The following ARGLU1 variants were observed in gnomAD, a reference collection of about 807,000 sequenced individuals.
ARGLU1 encodes arginine and glutamate rich 1.
ARGLU1 carries 9 observed loss-of-function variants against 37.6 expected under a neutral mutation model. The observed-to-expected ratio is 0.24, with a 90% CI of 0.14 to 0.42. The LOEUF is 0.42. Ranked by LOEUF, ARGLU1 falls within the 10% of genes least tolerant of loss-of-function variation. The pLI is 1.00. For missense variants in ARGLU1, 211 were observed against 359.2 expected, an observed-to-expected ratio of 0.59 and a Z score of 3.34; for synonymous variants, 166 against 138.5, an observed-to-expected ratio of 1.20 and a Z score of -1.39.
At chr13:106,563,745 A>C (rs1880881268) in intron 1 of ARGLU1, among the ~76,000 whole-genome samples, 1 of 152,236 alleles carries the variant, frequency 6.6e-6, no homozygotes, top group African/African-American at 2.4e-5. Context: ...GTTCCATATA[A>C]TCAATTTTCT....
intron 1 of ARGLU1, among the ~76,000 whole-genome samples, chr13:106,561,545 C>T (rs1425503685): frequency 6.6e-6 from 1 of 151,512 alleles, no homozygotes; most frequent in African/African-American, 2.4e-5. Flanking sequence ...AAAACCGGTA[C>T]AATGTGACTT....
At chr13:106,552,082 A>C (rs993898492) in intron 3 of ARGLU1, among the ~76,000 whole-genome samples, 2 of 152,202 alleles carry the variant, frequency 1.3e-5, no homozygotes, top group Non-Finnish European at 2.9e-5. Flanking sequence ...AACTCATTTA[A>C]AAGAAAGCCA....
chr13:106,552,332 C>A (rs1184685798), intron 3 of ARGLU1, among the ~76,000 whole-genome samples: 1 of 152,168 alleles, frequency 6.6e-6, no homozygotes, highest in Non-Finnish European at 1.5e-5. Flanking sequence ...AAACCCCAAA[C>A]ACCCCCATCT....
At chr13:106,555,735 G>T (rs1443863228) in intron 3 of ARGLU1, among the ~76,000 whole-genome samples, 2 of 152,126 alleles carry the variant, frequency 1.3e-5, no homozygotes, top group Admixed American at 6.5e-5. Flanking sequence ...AGGACTGTAA[G>T]AATGCAAGGA....
intron 3 of ARGLU1, among the ~76,000 whole-genome samples, chr13:106,546,629 C>G (rs141152048): frequency 6.6e-6 from 1 of 152,270 alleles, no homozygotes; most frequent in African/African-American, 2.4e-5. Context: ...GTGTGTGCAA[C>G]TGAATCAAGA....
chr13:106,541,788 T>A lies in ARGLU1; in HGVS notation c.*2208A>T. The A allele has an allele frequency of 6.6e-6, 1 of 152,126 alleles. No homozygotes were observed. The highest frequency in any genetic ancestry group is 1.9e-4 in the East Asian group (1 of 5,200). The allele number at this position is 152,126 out of a possible 1,614,324, so 9.4% of individuals were successfully genotyped here. Reference sequence around the variant, plus strand: ...ACTTAATTCTATAATGCATTAAGAATAACCTAAAAAAACAAATTGTGAATA... The same window carrying A: ...ACTTAATTCTATAATGCATTAAGAAAAACCTAAAAAAACAAATTGTGAATA... On this transcript the variant is annotated 3_prime_UTR_variant, in exon 4 of 4. Coordinates refer to ENST00000400198, the MANE Select transcript of ARGLU1 (RefSeq NM_018011.4).
At chr13:106,553,467 G>A (rs529706395) in intron 3 of ARGLU1, among the ~76,000 whole-genome samples, 1 of 152,074 alleles carries the variant, frequency 6.6e-6, no homozygotes, top group Non-Finnish European at 1.5e-5. Flanking sequence ...TAAATTCTTA[G>A]ACACAGAATT....
chr13:106,559,756 AT>A, intron 1 of ARGLU1, 99 bp from the exon 2 acceptor site: 1 of 1,282,496 alleles, frequency 7.8e-7, no homozygotes, highest in East Asian at 2.4e-5. Flanking sequence ...TGAGCCTGAT[AT>A]TATTCAGTGA....
At chr13:106,558,286 G>A in intron 2 of ARGLU1, 1 of 984,268 alleles carries the variant, frequency 1.0e-6, no homozygotes, top group Non-Finnish European at 1.2e-6. Flanking sequence ...TATAGTCTGT[G>A]AAACCCACTA....
rs926854014 is a variant in ARGLU1, at chr13:106,558,335, G to A, written c.573+1097C>T. Reference sequence around the variant, plus strand: ...GTATATCTAGTTAAAGACAGGACAAGGGAAAATGCATTTTAAAAGCTAAGC... The same window carrying A: ...GTATATCTAGTTAAAGACAGGACAAAGGAAAATGCATTTTAAAAGCTAAGC... On this transcript the variant is annotated intron_variant, in intron 2 of 3. Transcript: ENST00000400198. 3 of 985,098 alleles carry A rather than the reference G, an allele frequency of 3.0e-6. No individual in the cohort carries two copies. In the Admixed American group the frequency reaches 1.8e-4, roughly 61 times the overall value. 61.0% of individuals were successfully genotyped at this position (985,098 alleles called of 1,614,324 possible).
chr13:106,567,993 C>G lies in ARGLU1; in HGVS notation c.-74G>C. ...AGTTCCCCTCGCCTCCGCCTTCGGA[C>G]GCGGGCTGGCGGTTCTACCGAGGCC... is the stretch of plus-strand genomic sequence containing the variant. On this transcript the variant is annotated 5_prime_UTR_variant, in exon 1 of 4. Coordinates refer to ENST00000400198, the MANE Select transcript of ARGLU1 (RefSeq NM_018011.4). The surrounding 1 kb of genome is among the most constrained non-coding windows in gnomAD (Gnocchi z 4.3). The G allele has an allele frequency of 6.6e-7, 1 of 1,508,956 alleles. No homozygotes were observed. The highest frequency in any genetic ancestry group is 1.4e-5 in the African/African-American group (1 of 69,676). The allele number at this position is 1,508,956 out of a possible 1,614,324, so 93.5% of individuals were successfully genotyped here. A position where few individuals can be genotyped will look rare whatever the true frequency, so the allele number is the denominator to read the frequency against.
At chr13:106,545,049 C>A (rs1253023613) in intron 3 of ARGLU1, among the ~76,000 whole-genome samples, 1 of 152,192 alleles carries the variant, frequency 6.6e-6, no homozygotes, top group Non-Finnish European at 1.5e-5. Context: ...CTTCAATTCT[C>A]AATTCTCAAC....
intron 3 of ARGLU1, among the ~76,000 whole-genome samples, chr13:106,546,063 C>A (rs549965315): frequency 6.6e-6 from 1 of 152,304 alleles, no homozygotes; most frequent in South Asian, 2.1e-4. Context: ...TTTATTTCAT[C>A]TCTTCCTTCT....
Position 106,557,078 on chromosome 13 carries a change from G to A in ARGLU1, c.627C>T (p.Asn209=), listed in dbSNP as rs199673843. 1.2e-6 allele frequency: 2 copies of A among 1,613,922 alleles called. No individual in the cohort carries two copies. The highest frequency in any genetic ancestry group is 2.7e-5 in the African/African-American group (2 of 75,038). The change falls in exon 3 of 4, where the codon AAC becomes AAT. Residue 209 remains asparagine (N), a synonymous_variant. Coordinates refer to ENST00000400198, the MANE Select transcript of ARGLU1 (RefSeq NM_018011.4). The surrounding 1 kb of genome is among the most constrained non-coding windows in gnomAD (Gnocchi z 5.0). Reference sequence around the variant, plus strand: ...TGGCTTGTGCTTCTGCAATTTTTCGGTTATTCTCTTCCAGTATTCGCTCTA... The same window carrying A: ...TGGCTTGTGCTTCTGCAATTTTTCGATTATTCTCTTCCAGTATTCGCTCTA... The part of the protein sequence containing the change: ...EELERILEEN[N]RKIAEAQAKL...
At chr13:106,560,875 T>C (rs960540598) in intron 1 of ARGLU1, among the ~76,000 whole-genome samples, 4 of 152,212 alleles carry the variant, frequency 2.6e-5, no homozygotes, top group Admixed American at 2.6e-4. Context: ...ACTTTATAGT[T>C]TCTAAGTGAC....
At chr13:106,564,208 A>G (rs962317303) in intron 1 of ARGLU1, among the ~76,000 whole-genome samples, 1 of 152,244 alleles carries the variant, frequency 6.6e-6, no homozygotes. Context: ...ATGACAACTC[A>G]TAAGATCACT....
chr13:106,553,564 G>C (rs148267875), intron 3 of ARGLU1, among the ~76,000 whole-genome samples: 1 of 152,050 alleles, frequency 6.6e-6, no homozygotes, highest in African/African-American at 2.4e-5. Flanking sequence ...CAGGTAAAGA[G>C]GTATCTGTAT....
intron 3 of ARGLU1, among the ~76,000 whole-genome samples, chr13:106,556,286 C>T (rs905557361): frequency 1.2e-4 from 18 of 152,292 alleles, no homozygotes; most frequent in Admixed American, 2.0e-4. Context: ...ATCCATTGTG[C>T]CATGCTCACT....
chr13:106,555,910 G>A (rs1294561379), intron 3 of ARGLU1, among the ~76,000 whole-genome samples: 1 of 152,092 alleles, frequency 6.6e-6, no homozygotes, highest in Non-Finnish European at 1.5e-5. Flanking sequence ...TTTTGCTTCA[G>A]TGATTTAACT....
Sources: allele counts gnomAD v4.1 joint callset (sites outside exome capture counted in the v4.1 genomes callset), GRCh38; gene constraint gnomAD v4.1.1; non-coding constraint Gnocchi (gnomAD v3.1); transcripts MANE v1.5; gene names NCBI Gene and HGNC (gene_info 2026-07-23, HGNC 2026-07-21).